The following DIAPH2 variants were observed in gnomAD, a reference collection of about 807,000 sequenced individuals.
DIAPH2 encodes diaphanous related formin 2, also known as protein diaphanous homolog 2.
A neutral mutation model predicts 92.7 loss-of-function variants in DIAPH2; 35 were observed. The observed-to-expected ratio is 0.38, with a 90% CI of 0.29 to 0.50. The LOEUF (loss-of-function observed/expected upper bound fraction) is 0.50. DIAPH2 is among the 20% of genes least tolerant of loss of function. DIAPH2 has a pLI of 0.94. For synonymous variants in DIAPH2, 301 were observed against 280.4 expected, an observed-to-expected ratio of 1.07 and a Z score of -0.73; for missense variants, 701 against 819.5, an observed-to-expected ratio of 0.86 and a Z score of 1.77.
At chrX:96,881,099 AT>A (rs1437106703) in intron 4 of DIAPH2, among the ~76,000 whole-genome samples, 4 of 111,065 alleles carry the variant, frequency 3.6e-5, no homozygotes, top group African/African-American at 1.3e-4. Flanking sequence ...GTTTTCACTT[AT>A]TTTTTTTAGA....
At chrX:97,122,943 A>C (rs1238925266) in intron 21 of DIAPH2, among the ~76,000 whole-genome samples, 2 of 111,806 alleles carry the variant, frequency 1.8e-5, no homozygotes, top group Non-Finnish European at 3.8e-5. Flanking sequence ...ATTTGCATTT[A>C]AAAATGTCAT....
chrX:96,886,635 T>C (rs1416238983), intron 5 of DIAPH2, among the ~76,000 whole-genome samples: 1 of 111,594 alleles, frequency 9.0e-6, no homozygotes, highest in Non-Finnish European at 1.9e-5. Context: ...CTGGTCTTCA[T>C]AAACCTAAAA....
chrX:96,829,430 C>CAT (rs765718414), intron 4 of DIAPH2, among the ~76,000 whole-genome samples: 44 of 68,297 alleles, frequency 6.4e-4, no homozygotes, highest in Middle Eastern at 0.014. Flanking sequence ...ATAGCATTTA[C>CAT]ATATATATAT....
At chrX:96,888,000 T>G (rs1220072234) in intron 5 of DIAPH2, among the ~76,000 whole-genome samples, 1 of 110,153 alleles carries the variant, frequency 9.1e-6, no homozygotes, top group Admixed American at 9.7e-5. Flanking sequence ...TGTGTGTATG[T>G]GTATGTATGA....
intron 23 of DIAPH2, among the ~76,000 whole-genome samples, chrX:97,255,049 A>C (rs933126059): frequency 2.7e-5 from 3 of 111,571 alleles, no homozygotes; most frequent in Non-Finnish European, 5.6e-5. Context: ...TAGAGGTTCA[A>C]CCATGTACAG....
At chrX:96,919,812 C>A (rs2065529635) in intron 9 of DIAPH2, among the ~76,000 whole-genome samples, 1 of 110,950 alleles carries the variant, frequency 9.0e-6, no homozygotes, top group Non-Finnish European at 1.9e-5. Context: ...TCTACTCCAA[C>A]TATATTGAAA....
intron 21 of DIAPH2, among the ~76,000 whole-genome samples, chrX:97,133,993 TG>T (rs1444165444): frequency 3.6e-5 from 4 of 112,598 alleles, no homozygotes; most frequent in Admixed American, 2.8e-4. Flanking sequence ...TAAGCAACAA[TG>T]CAGATTTGCT....
chrX:97,107,194 T>C (rs1299578719), intron 20 of DIAPH2, among the ~76,000 whole-genome samples: 3 of 111,442 alleles, frequency 2.7e-5, no homozygotes, highest in Non-Finnish European at 5.6e-5. Context: ...TTCTTTTTTT[T>C]CTGAGATGGA....
chrX:96,749,141 AAAAAATATAT>A lies in DIAPH2; in HGVS notation c.343-9011_343-9002del, dbSNP rs1295788416. On this transcript the variant is annotated intron_variant, in intron 3 of 26. Transcript: ENST00000324765. ...CCTACCCCATCAGAAAAAAAAAAAA[AAAAAATATAT>A]ATATATATATATATATGTTTGAGTA... is the stretch of plus-strand genomic sequence containing the variant. Among the ~76,000 whole-genome samples, 9 of 79,091 alleles carry A rather than the reference AAAAAATATAT, an allele frequency of 1.1e-4. No individual in the cohort carries two copies. In the South Asian group the frequency reaches 5.0e-3, roughly 44 times the overall value. 68.7% of individuals were successfully genotyped at this position (79,091 alleles called of 115,157 possible).
chrX:97,343,082 CTT>C (rs1329465891), intron 23 of DIAPH2, among the ~76,000 whole-genome samples: 1 of 111,637 alleles, frequency 9.0e-6, no homozygotes, highest in Non-Finnish European at 1.9e-5. Context: ...ATGGGAAAGA[CTT>C]TGGATTTTCT....
At chrX:97,495,705 G>C (rs886854805) in intron 26 of DIAPH2, among the ~76,000 whole-genome samples, 12 of 112,073 alleles carry the variant, frequency 1.1e-4, no homozygotes, top group African/African-American at 3.9e-4. Flanking sequence ...GTAAGAAAGA[G>C]AGGTGATAAA....
chrX:97,404,053 A>G (rs2069784774), intron 25 of DIAPH2, among the ~76,000 whole-genome samples: 1 of 109,525 alleles, frequency 9.1e-6, no homozygotes, highest in Admixed American at 9.8e-5. Context: ...GGGTTTCTCC[A>G]TGTTGGTCAG....
intron 4 of DIAPH2, among the ~76,000 whole-genome samples, chrX:96,780,410 G>T (rs183427936): frequency 7.1e-5 from 8 of 111,938 alleles, no homozygotes; most frequent in Non-Finnish European, 1.1e-4. Context: ...GTGTGTGTGC[G>T]TGACACTTTT....
At chrX:97,109,897 T>C (rs1222806589) in intron 20 of DIAPH2, among the ~76,000 whole-genome samples, 1 of 111,921 alleles carries the variant, frequency 8.9e-6, no homozygotes, top group Non-Finnish European at 1.9e-5. Context: ...TGAAGAATTT[T>C]TGCCAGATCA....
At chrX:97,219,336 G>A (rs1569332926) in intron 22 of DIAPH2, among the ~76,000 whole-genome samples, 1 of 111,797 alleles carries the variant, frequency 8.9e-6, no homozygotes, top group Non-Finnish European at 1.9e-5. Flanking sequence ...TTGAGAAAAT[G>A]GAGCAACACT....
chrX:96,741,019 T>TC (rs927603291), intron 3 of DIAPH2, among the ~76,000 whole-genome samples: 1 of 109,474 alleles, frequency 9.1e-6, no homozygotes, highest in Non-Finnish European at 1.9e-5. Context: ...TTCCACAGGC[T>TC]CCCCCCACCA....
chrX:96,852,101 C>T (rs1386666450), intron 4 of DIAPH2, among the ~76,000 whole-genome samples: 4 of 111,978 alleles, frequency 3.6e-5, no homozygotes, highest in Admixed American at 9.5e-5. Flanking sequence ...TTTATATTTT[C>T]AACTTGAAAA....
chrX:97,274,867 G>T (rs956314842), intron 23 of DIAPH2, among the ~76,000 whole-genome samples: 2 of 110,731 alleles, frequency 1.8e-5, no homozygotes, highest in African/African-American at 6.6e-5. Context: ...CTGCCTTCAA[G>T]CATCTGTTTA....
intron 4 of DIAPH2, among the ~76,000 whole-genome samples, chrX:96,873,839 T>C (rs780351357): frequency 6.9e-4 from 77 of 110,962 alleles, no homozygotes; most frequent in African/African-American, 2.5e-3. Flanking sequence ...GATGTTACCA[T>C]TGGGGGAAAA....
Sources: gnomAD v4.1 joint callset for allele counts (sites outside exome capture counted in the v4.1 genomes callset) on GRCh38, gnomAD v4.1.1 for gene constraint, MANE v1.5 for transcripts, NCBI Gene and HGNC (gene_info 2026-07-23, HGNC 2026-07-21) for gene names.